Variants in EVA1C observed in about 807,000 individuals in gnomAD.
The protein encoded by EVA1C is eva-1 homolog C.
Under a neutral mutation model 45.4 loss-of-function variants are expected in EVA1C, and 25 were observed. The ratio of observed to expected loss-of-function variants is 0.55; its 90% CI spans 0.40 to 0.77. The LOEUF is 0.77. EVA1C is among the 30% of genes least tolerant of loss of function. The pLI is 0.00. For missense variants in EVA1C, 479 were observed against 554.8 expected, an observed-to-expected ratio of 0.86 and a Z score of 1.37; for synonymous variants, 190 against 221.2, an observed-to-expected ratio of 0.86 and a Z score of 1.25.
intron 1 of EVA1C, among the ~76,000 whole-genome samples, chr21:32,424,193 A>C (rs1216705617): frequency 6.6e-6 from 1 of 152,168 alleles, no homozygotes; most frequent in African/African-American, 2.4e-5. Flanking sequence ...CTACCAAGTT[A>C]TCTCCTTTCT....
chr21:32,412,094 C>G (rs1179689766), upstream of EVA1C: 1 of 152,342 alleles, frequency 6.6e-6, no homozygotes, highest in Non-Finnish European at 1.5e-5. Flanking sequence ...CCGGAGCCAT[C>G]TGACCGGTTT....
chr21:32,413,383 C>T lies in EVA1C; in HGVS notation c.160+370C>T, dbSNP rs1350074615. On this transcript the variant is annotated intron_variant, in intron 1 of 7. Transcript: ENST00000300255. The stretch of plus-strand genomic sequence containing the variant: ...ACACGTGTTGTGGTCGGAGGCGTTG[C>T]GCCGCGTTTGTCACCCGCGTAGCCC... 3.3e-5 allele frequency among the ~76,000 whole-genome samples: 5 copies of T among 152,244 alleles called. No individual in the cohort carries two copies. The South Asian group carries it at 6.2e-4, about 19-fold the overall frequency.
intron 7 of EVA1C, among the ~76,000 whole-genome samples, chr21:32,504,241 T>G (rs1226087685): frequency 6.6e-6 from 1 of 152,174 alleles, no homozygotes; most frequent in Non-Finnish European, 1.5e-5. Flanking sequence ...AGTCACACTA[T>G]TTAGGAGTTG....
At chr21:32,457,475 C>A in intron 2 of EVA1C, 122 bp from the exon 3 acceptor site, 2 of 1,132,782 alleles carry the variant, frequency 1.8e-6, no homozygotes, top group Non-Finnish European at 2.6e-6. Context: ...TGGCCTTAGA[C>A]ACAGCTTGGC....
chr21:32,423,070 C>CAAAAAAAAAAAAAAAAAAA (rs3056306), intron 1 of EVA1C, among the ~76,000 whole-genome samples: 1 of 85,626 alleles, frequency 1.2e-5, no homozygotes, highest in Non-Finnish European at 2.2e-5. Context: ...GACTCTGTCT[C>CAAAAAAAAAAAAAAAAAAA]AAAAAAAAAA....
At chr21:32,419,209 G>C (rs1382980734) in intron 1 of EVA1C, among the ~76,000 whole-genome samples, 3 of 152,112 alleles carry the variant, frequency 2.0e-5, no homozygotes, top group Non-Finnish European at 4.4e-5. Flanking sequence ...AAAAAAATTT[G>C]GAGGTCACTG....
At chr21:32,501,060 A>C (rs2037512684) in intron 5 of EVA1C, among the ~76,000 whole-genome samples, 1 of 152,022 alleles carries the variant, frequency 6.6e-6, no homozygotes, top group Non-Finnish European at 1.5e-5. Flanking sequence ...TAATCTGTCC[A>C]CCTCGACCTC....
rs186677705 is a variant in EVA1C at position 32,435,560 on chromosome 21, A to G, written c.161-17752A>G. Among the ~76,000 whole-genome samples, 108 of 152,238 alleles carry G rather than the reference A, an allele frequency of 7.1e-4. No individual in the cohort carries two copies. The Middle Eastern group carries it at 0.01, about 14-fold the overall frequency. On this transcript the variant is annotated intron_variant, in intron 1 of 7. Coordinates refer to ENST00000300255, the MANE Select transcript of EVA1C (RefSeq NM_058187.5). ...TGTCCTTCAGGGCTGGATTTCCTAG[A>G]TTTCCCAGCCAACGGTACCACTGGC...
intron 1 of EVA1C, among the ~76,000 whole-genome samples, chr21:32,415,109 C>T (rs1312271021): frequency 6.6e-6 from 1 of 152,168 alleles, no homozygotes; most frequent in African/African-American, 2.4e-5. Context: ...TCAGCTGACG[C>T]GAACCCCATG....
chr21:32,412,417 A>C, upstream of EVA1C: 1 of 153,658 alleles, frequency 6.5e-6, no homozygotes, highest in Non-Finnish European at 1.4e-5. Context: ...GGGCAGGGCC[A>C]CGGGTGCCCG....
intron 1 of EVA1C, among the ~76,000 whole-genome samples, chr21:32,448,912 A>AAAAGAAAGAAAGAAAGAAAGAGAG (rs1568893937): frequency 4.8e-5 from 2 of 41,508 alleles, no homozygotes; most frequent in Non-Finnish European, 7.5e-5. Flanking sequence ...AAGAAAGGAG[A>AAAAGAAAGAAAGAAAGAAAGAGAG]AAAGAGAGAA....
intron 1 of EVA1C, among the ~76,000 whole-genome samples, chr21:32,451,808 C>T (rs1043709872): frequency 1.3e-5 from 2 of 152,118 alleles, no homozygotes; most frequent in Admixed American, 6.5e-5. Flanking sequence ...ATAAGGACAC[C>T]GGTTATATGG....
At position 32,514,778 on chromosome 21, in the gene EVA1C, C is replaced by A. The variant is rs116485887; in HGVS notation, c.950-36C>A. ...TTGGCACTGGTGGAGTCTGCCAGCT[C>A]CTCCCAGCTCCTGACATGTTCTCTT... On this transcript the variant is annotated intron_variant, in intron 7 of 7. Coordinates refer to ENST00000300255, the MANE Select transcript of EVA1C (RefSeq NM_058187.5). 678 of 1,503,022 alleles carry A rather than the reference C, an allele frequency of 4.5e-4. 3 individuals are homozygous for A. In the African/African-American group the frequency reaches 8.3e-3, roughly 18 times the overall value. The allele number at this position is 1,503,022 out of a possible 1,614,324, so 93.1% of individuals were successfully genotyped here.
At chr21:32,468,833 A>G (rs1394534908) in intron 4 of EVA1C, among the ~76,000 whole-genome samples, 1 of 152,194 alleles carries the variant, frequency 6.6e-6, no homozygotes, top group Non-Finnish European at 1.5e-5. Flanking sequence ...AGACACACCC[A>G]GGAAATACTT....
chr21:32,422,758 C>A (rs374184961), intron 1 of EVA1C, among the ~76,000 whole-genome samples: 1 of 151,954 alleles, frequency 6.6e-6, no homozygotes, highest in African/African-American at 2.4e-5. Context: ...ACAAATTTAC[C>A]GCTAATGAAT....
chr21:32,507,905 CTGTG>C (rs56289398), intron 7 of EVA1C, among the ~76,000 whole-genome samples: 3 of 150,298 alleles, frequency 2.0e-5, no homozygotes, highest in East Asian at 4.0e-4. Context: ...ATGTGTGTAT[CTGTG>C]TGTGTGCGTG....
intron 1 of EVA1C, among the ~76,000 whole-genome samples, chr21:32,439,797 T>C (rs1223529900): frequency 6.6e-6 from 1 of 152,106 alleles, no homozygotes; most frequent in Non-Finnish European, 1.5e-5. Flanking sequence ...ATCTTCAAAA[T>C]AGATTTTTGA....
chr21:32,501,993 TTTC>T (rs2037550647), intron 6 of EVA1C, among the ~76,000 whole-genome samples: 2 of 7,668 alleles, frequency 2.6e-4, no homozygotes, highest in African/African-American at 7.5e-4. Context: ...CTTTTCTTTC[TTTC>T]TTTCTTTCTT....
chr21:32,448,641 G>A (rs566862644), intron 1 of EVA1C, among the ~76,000 whole-genome samples: 1 of 152,210 alleles, frequency 6.6e-6, no homozygotes, highest in South Asian at 2.1e-4. Flanking sequence ...AGGCACTGTG[G>A]CTCACACCTG....
Sources: gnomAD v4.1 joint callset for allele counts (sites outside exome capture counted in the v4.1 genomes callset) on GRCh38, gnomAD v4.1.1 for gene constraint, MANE v1.5 for transcripts, NCBI Gene and HGNC (gene_info 2026-07-23, HGNC 2026-07-21) for gene names.